Variants in LRP1B observed in about 807,000 individuals in gnomAD.
LRP1B encodes low-density lipoprotein receptor-related protein 1B.
A neutral mutation model predicts 556.6 loss-of-function variants in LRP1B; 217 were observed. The observed-to-expected ratio is 0.39, with a 90% CI of 0.35 to 0.44. LRP1B has a LOEUF of 0.44. Ranked by LOEUF, LRP1B falls within the 20% of genes least tolerant of loss-of-function variation. The probability of loss-of-function intolerance (pLI) is 1.00; values close to 1 mark genes in which losing one functional copy is unlikely to be tolerated. For synonymous variants in LRP1B, 2,047 were observed against 1,865.8 expected (o/e 1.10, Z -2.50); for missense variants, 5,053 against 5,620.8 (o/e 0.90, Z 3.23).
rs150036258 is a variant in LRP1B, at chr2:140,415,595, G to A, written c.10414+26909C>T. Among the ~76,000 whole-genome samples, 524 of 152,274 alleles carry A rather than the reference G, an allele frequency of 3.4e-3. 1 individual carries two copies. Among genetic ancestry groups the A allele is most frequent in the Non-Finnish European group, 6.0e-3 (405 of 68,032 alleles). On this transcript the variant is annotated intron_variant, in intron 66 of 90. Coordinates refer to ENST00000389484, the MANE Select transcript of LRP1B (RefSeq NM_018557.3). ...TAGAACCTACACTGAAATATTGGGGGTGGGTTCCCCCAATATATGGGGAAG... is the reference window on the plus strand; with the variant it reads ...TAGAACCTACACTGAAATATTGGGGATGGGTTCCCCCAATATATGGGGAAG...
At chr2:140,664,428 C>G (rs1685199527) in intron 41 of LRP1B, among the ~76,000 whole-genome samples, 1 of 151,738 alleles carries the variant, frequency 6.6e-6, no homozygotes. Flanking sequence ...TTTCTCTGTT[C>G]AACTATTCTT....
intron 2 of LRP1B, among the ~76,000 whole-genome samples, chr2:141,499,641 A>T (rs949546049): frequency 1.3e-5 from 2 of 152,088 alleles, no homozygotes; most frequent in East Asian, 3.9e-4. Flanking sequence ...GTCACATTTT[A>T]AAAATTTCCA....
chr2:141,527,355 T>TA (rs918410779), intron 2 of LRP1B, among the ~76,000 whole-genome samples: 6 of 151,192 alleles, frequency 4.0e-5, no homozygotes, highest in East Asian at 1.9e-4. Flanking sequence ...ACATGATGTA[T>TA]AAAAAAAACA....
chr2:141,434,265 C>A (rs1341893786), intron 3 of LRP1B, among the ~76,000 whole-genome samples: 10 of 152,000 alleles, frequency 6.6e-5, no homozygotes, highest in Non-Finnish European at 5.9e-5. Flanking sequence ...TTCTCTGGGG[C>A]CTTATTCATT....
chr2:141,830,191 C>T (rs1338760388), intron 1 of LRP1B, among the ~76,000 whole-genome samples: 1 of 151,836 alleles, frequency 6.6e-6, no homozygotes, highest in African/African-American at 2.4e-5. Flanking sequence ...AGAAATTTCT[C>T]CTTAAGCAGA....
chr2:141,049,167 T>A lies in LRP1B; in HGVS notation c.1608A>T (p.Arg536Ser), dbSNP rs1306542955. The A allele has an allele frequency of 6.2e-7, 1 of 1,613,490 alleles. No individual in the cohort carries two copies. Among genetic ancestry groups the A allele is most frequent in the South Asian group, 1.1e-5 (1 of 91,078 alleles). ...CTATCTTGGTATTCAAGTCCATTCC[T>A]CTAACAATTCCTGGGCGTCCTTTCC... ...FYGKGRPGIV[R>S]GMDLNTKIAD... is the part of the protein sequence containing the mutation. Residue 536 changes from arginine (R) to serine (S), a missense_variant, in exon 11 of 91, where the codon AGA becomes AGT. Coordinates refer to ENST00000389484, the MANE Select transcript of LRP1B (RefSeq NM_018557.3).
chr2:140,278,206 C>T (rs920758795), intron 84 of LRP1B, among the ~76,000 whole-genome samples: 16 of 151,962 alleles, frequency 1.1e-4, no homozygotes, highest in African/African-American at 3.9e-4. Flanking sequence ...ATTTATCTTA[C>T]AGGAGAGGAG....
At chr2:141,165,834 G>T (rs892644618) in intron 7 of LRP1B, among the ~76,000 whole-genome samples, 23 of 152,076 alleles carry the variant, frequency 1.5e-4, no homozygotes, top group South Asian at 6.2e-4. Context: ...CTATAACAAG[G>T]TTGCAATATT....
intron 3 of LRP1B, among the ~76,000 whole-genome samples, chr2:141,399,405 T>C (rs1191524473): frequency 6.0e-5 from 9 of 150,290 alleles, no homozygotes; most frequent in Non-Finnish European, 7.4e-5. Context: ...CTGGCAAATA[T>C]ACATGAAAAC....
intron 7 of LRP1B, among the ~76,000 whole-genome samples, chr2:141,132,508 A>C (rs566364281): frequency 6.6e-6 from 1 of 152,192 alleles, no homozygotes; most frequent in Non-Finnish European, 1.5e-5. Context: ...ATCTAAAAAA[A>C]ACCCTCTTCT....
At chr2:140,584,544 G>T (rs1438134307) in intron 43 of LRP1B, among the ~76,000 whole-genome samples, 4 of 151,948 alleles carry the variant, frequency 2.6e-5, no homozygotes, top group African/African-American at 9.7e-5. Flanking sequence ...AAGTTTCTAG[G>T]AAATGTTAAA....
chr2:141,544,362 T>TTCTTCTTCTTCTTCTTCTTCTTCG (rs1685451924), intron 2 of LRP1B, among the ~76,000 whole-genome samples: 7 of 99,608 alleles, frequency 7.0e-5, no homozygotes, highest in Non-Finnish European at 1.2e-4. Context: ...CTTCTTCTTC[T>TTCTTCTTCTTCTTCTTCTTCTTCG]TCTTCTTCTT....
chr2:140,387,776 A>G (rs1207645509), intron 66 of LRP1B, among the ~76,000 whole-genome samples: 1 of 152,178 alleles, frequency 6.6e-6, no homozygotes, highest in African/African-American at 2.4e-5. Flanking sequence ...TCAGTCAATC[A>G]GGAAATATGT....
At chr2:141,145,073 AAC>A (rs1701747218) in intron 7 of LRP1B, among the ~76,000 whole-genome samples, 1 of 152,198 alleles carries the variant, frequency 6.6e-6, no homozygotes, top group South Asian at 2.1e-4. Context: ...TGATTTCTTT[AAC>A]AGTTAAAAAT....
At chr2:140,384,063 C>A (rs747821288) in intron 67 of LRP1B, among the ~76,000 whole-genome samples, 2 of 152,098 alleles carry the variant, frequency 1.3e-5, no homozygotes, top group Non-Finnish European at 2.9e-5. Context: ...AGCAGGCGAG[C>A]CCTTCCTTCT....
intron 60 of LRP1B, among the ~76,000 whole-genome samples, chr2:140,464,367 A>T (rs1189016263): frequency 1.3e-5 from 2 of 152,084 alleles, no homozygotes; most frequent in African/African-American, 4.8e-5. Context: ...CTCCATATAG[A>T]TTAGGAATAT....
At chr2:141,540,112 C>G (rs893395289) in intron 2 of LRP1B, among the ~76,000 whole-genome samples, 1 of 152,024 alleles carries the variant, frequency 6.6e-6, no homozygotes, top group Non-Finnish European at 1.5e-5. Context: ...TTACCATCAA[C>G]AATTTATCAC....
intron 11 of LRP1B, among the ~76,000 whole-genome samples, chr2:141,040,325 A>G (rs369605204): frequency 6.6e-6 from 1 of 152,128 alleles, no homozygotes; most frequent in Non-Finnish European, 1.5e-5. Flanking sequence ...TAAATTTCAT[A>G]AGAACACTCT....
intron 18 of LRP1B, among the ~76,000 whole-genome samples, chr2:140,976,203 A>G (rs1376700381): frequency 6.6e-6 from 1 of 152,044 alleles, no homozygotes; most frequent in African/African-American, 2.4e-5. Flanking sequence ...AACAGGCATG[A>G]GCCACCATGC....
Sources: allele counts gnomAD v4.1 joint callset (sites outside exome capture counted in the v4.1 genomes callset), GRCh38; gene constraint gnomAD v4.1.1; transcripts MANE v1.5; gene names NCBI Gene and HGNC (gene_info 2026-07-23, HGNC 2026-07-21).